NR3C1: variants seen among roughly 807,000 people sequenced by gnomAD.
NR3C1 encodes the protein nuclear receptor subfamily 3 group C member 1, also known as glucocorticoid receptor.
In NR3C1, 14 loss-of-function variants were observed where a neutral mutation model predicts 74.0. The observed-to-expected ratio is 0.19, with a 90% CI of 0.12 to 0.30. The LOEUF (loss-of-function observed/expected upper bound fraction) is 0.30. Ranked by LOEUF, NR3C1 falls within the 10% of genes least tolerant of loss-of-function variation. The pLI, the probability that NR3C1 is intolerant of heterozygous loss-of-function variation, is 1.00. For synonymous variants in NR3C1, 308 were observed against 332.5 expected (o/e 0.93, Z 0.80); for missense variants, 695 against 909.8 (o/e 0.76, Z 3.04).
chr5:143,428,985 T>C (rs1751676044), intron 1 of NR3C1, among the ~76,000 whole-genome samples: 1 of 152,182 alleles, frequency 6.6e-6, no homozygotes, highest in African/African-American at 2.4e-5. Flanking sequence ...ATATTTTGAT[T>C]AAAGTTATAA....
At chr5:143,340,037 A>G (rs1047270697) in intron 2 of NR3C1, among the ~76,000 whole-genome samples, 2 of 152,192 alleles carry the variant, frequency 1.3e-5, no homozygotes, top group Admixed American at 1.3e-4. Flanking sequence ...TTTTTAAAAC[A>G]TTCTATATAT....
At chr5:143,344,612 C>T (rs923321302) in intron 2 of NR3C1, among the ~76,000 whole-genome samples, 4 of 152,160 alleles carry the variant, frequency 2.6e-5, no homozygotes, top group African/African-American at 9.7e-5. Context: ...GTAGCTCACG[C>T]CTGTAATCCC....
rs932184697 is a variant in NR3C1, at chr5:143,295,112, A to T, written c.2023+348T>A. Reference sequence around the variant, plus strand: ...TTAGGAAACTAAAATTTTTAACCAAATAACAGTGTAGTGGACAAAATCACT... The same window carrying T: ...TTAGGAAACTAAAATTTTTAACCAATTAACAGTGTAGTGGACAAAATCACT... On this transcript the variant is annotated intron_variant, in intron 7 of 8. Transcript: ENST00000394464. 5.1e-6 allele frequency: 5 copies of T among 985,254 alleles called. No individual in the cohort carries two copies. In the Admixed American group the frequency reaches 3.1e-4, roughly 61 times the overall value. 61.0% of individuals were successfully genotyped at this position (985,254 alleles called of 1,614,324 possible).
intron 3 of NR3C1, among the ~76,000 whole-genome samples, chr5:143,312,245 T>C (rs1192551500): frequency 6.6e-6 from 1 of 152,200 alleles, no homozygotes; most frequent in Non-Finnish European, 1.5e-5. Context: ...GTGCAGTCCC[T>C]TTCCGTCCTT....
intron 3 of NR3C1, 92 bp from the exon 4 acceptor site, chr5:143,310,305 A>G (rs1031721929): frequency 3.4e-6 from 3 of 881,094 alleles, no homozygotes; most frequent in Admixed American, 3.7e-5. Flanking sequence ...GTGGAATATA[A>G]CCAAGACACC....
chr5:143,328,738 C>T (rs1299461051), intron 2 of NR3C1, among the ~76,000 whole-genome samples: 2 of 152,210 alleles, frequency 1.3e-5, no homozygotes, highest in East Asian at 3.8e-4. Context: ...CATCAGTTCT[C>T]TAGGGCAGGG....
chr5:143,375,072 C>G (rs1348879258), intron 2 of NR3C1, among the ~76,000 whole-genome samples: 2 of 152,184 alleles, frequency 1.3e-5, no homozygotes, highest in African/African-American at 4.8e-5. Context: ...TATATTTGAA[C>G]ACAGCTTCTC....
chr5:143,393,567 G>T (rs1838674789), intron 2 of NR3C1, among the ~76,000 whole-genome samples: 1 of 151,918 alleles, frequency 6.6e-6, no homozygotes, highest in African/African-American at 2.4e-5. Context: ...AGCAAAATCT[G>T]CAATTTAAAT....
At chr5:143,401,810 TAA>T (rs2151944436) in intron 1 of NR3C1, among the ~76,000 whole-genome samples, 1 of 152,372 alleles carries the variant, frequency 6.6e-6, no homozygotes, top group East Asian at 1.9e-4. Flanking sequence ...CACATTCATA[TAA>T]ATTCAGGTAC....
chr5:143,363,896 C>G (rs528116677), intron 2 of NR3C1, among the ~76,000 whole-genome samples: 1 of 152,124 alleles, frequency 6.6e-6, no homozygotes, highest in African/African-American at 2.4e-5. Context: ...TGGACAGAGT[C>G]TCAGAGACTT....
Position 143,299,670 on chromosome 5 carries a change from G to A in NR3C1, c.1747+815C>T, listed in dbSNP as rs180887131. 1.1e-3 allele frequency among the ~76,000 whole-genome samples: 171 copies of A among 152,208 alleles called. 1 individual carries two copies. The highest frequency in any genetic ancestry group is 3.9e-3 in the African/African-American group (163 of 41,534). On this transcript the variant is annotated intron_variant, in intron 5 of 8. Transcript: ENST00000394464. Reference sequence around the variant, plus strand: ...AGTTACTCTGATTTGATCCTTACACGTTGTATGCTTTTATTAAATTATTAC... The same window carrying A: ...AGTTACTCTGATTTGATCCTTACACATTGTATGCTTTTATTAAATTATTAC...
At chr5:143,411,832 C>T (rs944287802) in intron 1 of NR3C1, among the ~76,000 whole-genome samples, 5 of 151,926 alleles carry the variant, frequency 3.3e-5, no homozygotes, top group African/African-American at 1.2e-4. Flanking sequence ...GTTCTGCTTG[C>T]GATGTGGAGT....
At chr5:143,380,732 G>A (rs926771232) in intron 2 of NR3C1, among the ~76,000 whole-genome samples, 10 of 152,116 alleles carry the variant, frequency 6.6e-5, no homozygotes, top group Non-Finnish European at 1.3e-4. Flanking sequence ...TCCTCTTCAA[G>A]CTTATGGCCG....
chr5:143,387,094 T>C (rs574212772), intron 2 of NR3C1, among the ~76,000 whole-genome samples: 1 of 152,294 alleles, frequency 6.6e-6, no homozygotes, highest in Admixed American at 6.5e-5. Flanking sequence ...ATAAGAGTAA[T>C]AAGAGTTTGA....
chr5:143,378,561 A>C (rs1835637113), intron 2 of NR3C1, among the ~76,000 whole-genome samples: 1 of 152,178 alleles, frequency 6.6e-6, no homozygotes, highest in Admixed American at 6.5e-5. Flanking sequence ...GAGAACACTT[A>C]CCTGGTACCT....
intron 2 of NR3C1, among the ~76,000 whole-genome samples, chr5:143,362,515 C>T (rs1411404130): frequency 2.0e-5 from 3 of 151,914 alleles, no homozygotes; most frequent in African/African-American, 7.3e-5. Flanking sequence ...CGCCCGCCAC[C>T]ACAGCCACCT....
At chr5:143,378,748 T>G (rs552372819) in intron 2 of NR3C1, among the ~76,000 whole-genome samples, 6 of 152,370 alleles carry the variant, frequency 3.9e-5, no homozygotes, top group African/African-American at 1.4e-4. Flanking sequence ...ACAACTATGT[T>G]TAACACAAGA....
intron 1 of NR3C1, chr5:143,401,165 T>A (rs1346304185): frequency 2.7e-6 from 1 of 365,338 alleles, no homozygotes; most frequent in Non-Finnish European, 5.1e-6. Context: ...TCACAGACAT[T>A]ATAATTCATT....
intron 2 of NR3C1, among the ~76,000 whole-genome samples, chr5:143,341,288 G>A (rs1233281388): frequency 1.3e-5 from 2 of 152,206 alleles, no homozygotes; most frequent in Non-Finnish European, 2.9e-5. Context: ...AGAATCAGGA[G>A]TGTTCTTTAA....
Sources: allele counts gnomAD v4.1 joint callset (sites outside exome capture counted in the v4.1 genomes callset), GRCh38; gene constraint gnomAD v4.1.1; transcripts MANE v1.5; gene names NCBI Gene and HGNC (gene_info 2026-07-23, HGNC 2026-07-21).